SLC10A7: variants seen among roughly 807,000 people sequenced by gnomAD.
SLC10A7 encodes the protein sodium/bile acid cotransporter 7.
In SLC10A7, 29 loss-of-function variants were observed where a neutral mutation model predicts 43.2. That is an observed-to-expected ratio of 0.67 (90% CI 0.50 to 0.92). SLC10A7 has a LOEUF of 0.92. Ranked by LOEUF, SLC10A7 falls within the 40% of genes least tolerant of loss-of-function variation. The pLI is 0.00. For missense variants in SLC10A7, 295 were observed against 403.2 expected (o/e 0.73, Z 2.30); for synonymous variants, 152 against 144.8 (o/e 1.05, Z -0.35).
chr4:146,269,217 G>A (rs562137961), intron 10 of SLC10A7, among the ~76,000 whole-genome samples: 12 of 152,328 alleles, frequency 7.9e-5, no homozygotes, highest in South Asian at 6.2e-4. Flanking sequence ...GGCCTGAGCC[G>A]ACTCACCAGG....
intron 3 of SLC10A7, among the ~76,000 whole-genome samples, chr4:146,507,343 C>T (rs998016587): frequency 1.9e-4 from 29 of 152,048 alleles, no homozygotes; most frequent in African/African-American, 5.8e-4. Context: ...GGGCGGATCA[C>T]GAGGTGAAGA....
chr4:146,518,535 TACTAGATTAAATAGTGTCCCCCG>T (rs1157943980), intron 1 of SLC10A7, among the ~76,000 whole-genome samples: 2 of 152,154 alleles, frequency 1.3e-5, no homozygotes, highest in Non-Finnish European at 2.9e-5. Context: ...AGTCTTCTTG[TACTAGATTAAATAGTGTCCCCCG>T]ACTCCCAAAA....
chr4:146,277,653 T>C (rs1384720805), intron 10 of SLC10A7, among the ~76,000 whole-genome samples: 1 of 152,152 alleles, frequency 6.6e-6, no homozygotes, highest in Non-Finnish European at 1.5e-5. Context: ...ATGACAGGAA[T>C]ATATTTATGG....
rs114043586 is a variant in SLC10A7, at chr4:146,438,897, A to C, written c.435+3886T>G. ...CTGAAACCTTTTGATGAGGAGCAACATGTGAGTTGCCTGAATTTGAAGTCG... is the reference window on the plus strand; with the variant it reads ...CTGAAACCTTTTGATGAGGAGCAACCTGTGAGTTGCCTGAATTTGAAGTCG... On this transcript the variant is annotated intron_variant, in intron 5 of 11. Transcript: ENST00000335472. 8.0e-3 allele frequency among the ~76,000 whole-genome samples: 1,224 copies of C among 152,160 alleles called. 12 individuals carry two copies. Among genetic ancestry groups the C allele is most frequent in the African/African-American group, 0.026 (1,091 of 41,550 alleles).
intron 5 of SLC10A7, among the ~76,000 whole-genome samples, chr4:146,340,672 T>C (rs1300539719): frequency 6.6e-6 from 1 of 151,844 alleles, no homozygotes; most frequent in Non-Finnish European, 1.5e-5. Context: ...TCCTTAATGT[T>C]TCAGTAGAGA....
chr4:146,391,623 T>C (rs1738435224), intron 5 of SLC10A7, among the ~76,000 whole-genome samples: 1 of 152,230 alleles, frequency 6.6e-6, no homozygotes, highest in African/African-American at 2.4e-5. Context: ...AAAAGGCAGA[T>C]GAAGTCTTGT....
chr4:146,363,198 A>G lies in SLC10A7; in HGVS notation c.436-37202T>C, dbSNP rs374921653. Among the ~76,000 whole-genome samples, 6 of 152,308 alleles carry G rather than the reference A, an allele frequency of 3.9e-5. No individual in the cohort carries two copies. The East Asian group carries it at 7.7e-4, about 20-fold the overall frequency. ...ATATTCTATGCAAATGTAAATGAAT[A>G]AAGAGCAGGAGTAACTATACTTTTA... On this transcript the variant is annotated intron_variant, in intron 5 of 11. Transcript: ENST00000335472.
At chr4:146,508,269 A>C (rs1185012734) in intron 3 of SLC10A7, among the ~76,000 whole-genome samples, 1 of 152,204 alleles carries the variant, frequency 6.6e-6, no homozygotes, top group Non-Finnish European at 1.5e-5. Flanking sequence ...GCATACATAT[A>C]TATGTCCTTT....
chr4:146,345,972 A>G (rs1382412034), intron 5 of SLC10A7, among the ~76,000 whole-genome samples: 1 of 152,138 alleles, frequency 6.6e-6, no homozygotes, highest in Non-Finnish European at 1.5e-5. Context: ...CAATGCACAC[A>G]GAGGTTAGCT....
At chr4:146,340,509 A>ATG (rs912790029) in intron 5 of SLC10A7, among the ~76,000 whole-genome samples, 27 of 149,942 alleles carry the variant, frequency 1.8e-4, no homozygotes, top group African/African-American at 5.2e-4. Context: ...ATACATATAT[A>ATG]TGTGTGTGTG....
intron 5 of SLC10A7, among the ~76,000 whole-genome samples, chr4:146,369,853 A>G (rs1736644801): frequency 1.3e-5 from 2 of 152,202 alleles, no homozygotes; most frequent in Admixed American, 6.6e-5. Flanking sequence ...GATGTGGACA[A>G]TAATGCCATT....
At chr4:146,409,258 A>G (rs2149829029) in intron 5 of SLC10A7, among the ~76,000 whole-genome samples, 1 of 152,142 alleles carries the variant, frequency 6.6e-6, no homozygotes, top group East Asian at 1.9e-4. Flanking sequence ...GCAACTTTGG[A>G]AATCTCTTCT....
At chr4:146,260,944 G>C (rs1728184754) in intron 10 of SLC10A7, among the ~76,000 whole-genome samples, 1 of 152,146 alleles carries the variant, frequency 6.6e-6, no homozygotes. Flanking sequence ...CAACTGCTAG[G>C]GCTACCCCAA....
At chr4:146,350,289 G>C (rs975727264) in intron 5 of SLC10A7, among the ~76,000 whole-genome samples, 2 of 151,646 alleles carry the variant, frequency 1.3e-5, no homozygotes, top group Non-Finnish European at 2.9e-5. Context: ...CTGGAAAATC[G>C]GGTCACTCCC....
At chr4:146,516,885 A>G (rs962395809) in intron 2 of SLC10A7, among the ~76,000 whole-genome samples, 153 bp downstream of exon 2, 2 of 152,328 alleles carry the variant, frequency 1.3e-5, no homozygotes, top group African/African-American at 4.8e-5. Flanking sequence ...TGTAGGAATG[A>G]AACACAAGTC....
intron 9 of SLC10A7, among the ~76,000 whole-genome samples, chr4:146,287,012 T>TTGGAGTGGTGAGAAGGACCGTGTC (rs1730047499): frequency 6.9e-6 from 1 of 144,982 alleles, no homozygotes; most frequent in Non-Finnish European, 1.5e-5. Context: ...AGGACTGTGT[T>TTGGAGTGGTGAGAAGGACCGTGTC]TGGAGTGGTG....
At chr4:146,345,029 T>G (rs1369283044) in intron 5 of SLC10A7, among the ~76,000 whole-genome samples, 1 of 152,164 alleles carries the variant, frequency 6.6e-6, no homozygotes, top group Non-Finnish European at 1.5e-5. Context: ...TTAGTCAATA[T>G]GCTTTCCTCT....
intron 5 of SLC10A7, among the ~76,000 whole-genome samples, chr4:146,408,951 CA>C (rs1380101967): frequency 6.6e-6 from 1 of 152,000 alleles, no homozygotes; most frequent in Non-Finnish European, 1.5e-5. Context: ...GTTGTTAATC[CA>C]GCAGCTAAGT....
chr4:146,461,920 A>G (rs1339161349), intron 4 of SLC10A7, among the ~76,000 whole-genome samples: 1 of 151,820 alleles, frequency 6.6e-6, no homozygotes, highest in Non-Finnish European at 1.5e-5. Flanking sequence ...TCAAATCATC[A>G]TACAATTTTC....
Sources: allele counts gnomAD v4.1 joint callset (sites outside exome capture counted in the v4.1 genomes callset), GRCh38; gene constraint gnomAD v4.1.1; transcripts MANE v1.5; gene names NCBI Gene and HGNC (gene_info 2026-07-23, HGNC 2026-07-21).